NCKAP5: variants seen among roughly 807,000 people sequenced by gnomAD.
The protein encoded by NCKAP5 is nck-associated protein 5.
Under a neutral mutation model 167.0 loss-of-function variants are expected in NCKAP5, and 92 were observed. The observed-to-expected ratio is 0.55, with a 90% CI of 0.47 to 0.66. The LOEUF (loss-of-function observed/expected upper bound fraction) is 0.66. Among genes scored for constraint, NCKAP5 ranks in the 30% least tolerant of loss-of-function variants. The pLI is 0.00. For missense variants in NCKAP5, 2,378 were observed against 2,315.0 expected (o/e 1.03, Z -0.56); for synonymous variants, 891 against 877.4 (o/e 1.02, Z -0.27).
intron 15 of NCKAP5, among the ~76,000 whole-genome samples, chr2:132,776,275 G>A (rs1033749782): frequency 1.3e-5 from 2 of 152,184 alleles, no homozygotes; most frequent in African/African-American, 4.8e-5. Flanking sequence ...TCATGCATGT[G>A]TGTGTGTATA....
intron 3 of NCKAP5, among the ~76,000 whole-genome samples, chr2:133,327,365 C>A (rs754061852): frequency 6.6e-5 from 10 of 152,178 alleles, no homozygotes; most frequent in Non-Finnish European, 1.2e-4. Context: ...TCTCTCTATG[C>A]AGTTAGGTAA....
At chr2:133,561,896 T>C (rs1688184447) in intron 1 of NCKAP5, among the ~76,000 whole-genome samples, 1 of 152,106 alleles carries the variant, frequency 6.6e-6, no homozygotes. Context: ...AATGAGGCAA[T>C]AACTTTAGGA....
At chr2:133,225,348 C>A (rs569559621) in intron 4 of NCKAP5, among the ~76,000 whole-genome samples, 58 of 152,294 alleles carry the variant, frequency 3.8e-4, no homozygotes, top group Admixed American at 9.8e-4. Context: ...TTAGTTTTCA[C>A]GACTTTCAAT....
At position 132,784,021 on chromosome 2, in the gene NCKAP5, C is replaced by A; in HGVS notation, c.2790G>T (p.Pro930=). 3 of 1,563,766 alleles carry A rather than the reference C, an allele frequency of 1.9e-6. No homozygotes were observed. Among genetic ancestry groups the A allele is most frequent in the East Asian group, 2.3e-5 (1 of 44,252 alleles). ...GGGAGACGGACCTGCCTGGAGGGGG[C>A]GGAGGGGAAGGGGATTTCACCCCTG... The part of the protein sequence containing the change: ...PEAGVKSPSP[P]PPPGRSVSLL... Residue 930 remains proline (P), a synonymous_variant, in exon 14 of 20, where the codon CCG becomes CCT. Coordinates refer to ENST00000409261, the MANE Select transcript of NCKAP5 (RefSeq NM_207363.3).
chr2:133,497,505 A>C (rs1682049354), intron 3 of NCKAP5, among the ~76,000 whole-genome samples: 1 of 152,214 alleles, frequency 6.6e-6, no homozygotes, highest in South Asian at 2.1e-4. Context: ...CCTACCACAG[A>C]GCATCCCATT....
At chr2:133,425,815 G>T (rs1689757735) in intron 3 of NCKAP5, among the ~76,000 whole-genome samples, 1 of 152,186 alleles carries the variant, frequency 6.6e-6, no homozygotes, top group East Asian at 1.9e-4. Flanking sequence ...AAAATGCACA[G>T]TCTTCTTTTA....
intron 3 of NCKAP5, among the ~76,000 whole-genome samples, chr2:133,370,769 A>AT (rs1293210537): frequency 1.1e-4 from 17 of 149,430 alleles, no homozygotes; most frequent in Non-Finnish European, 2.2e-4. Context: ...GTTCTTCAGG[A>AT]TTTTTTTTCT....
At chr2:132,942,613 G>A (rs1413785310) in intron 8 of NCKAP5, among the ~76,000 whole-genome samples, 5 of 152,168 alleles carry the variant, frequency 3.3e-5, no homozygotes, top group African/African-American at 1.2e-4. Context: ...CAAAGATAAT[G>A]ATGTGCTTTA....
At chr2:133,569,824 A>G (rs917406271), upstream of NCKAP5, among the ~76,000 whole-genome samples, 1 of 152,256 alleles carries the variant, frequency 6.6e-6, no homozygotes, top group Non-Finnish European at 1.5e-5. Flanking sequence ...AGTTAAAGAC[A>G]ACACAAATTG....
intron 16 of NCKAP5, among the ~76,000 whole-genome samples, chr2:132,771,092 T>TAA (rs35518445): frequency 2.7e-4 from 41 of 151,842 alleles, no homozygotes; most frequent in Non-Finnish European, 4.9e-4. Flanking sequence ...TTCCATTTAA[T>TAA]AAAAAAAGTT....
intron 6 of NCKAP5, among the ~76,000 whole-genome samples, chr2:133,127,896 G>A (rs2082453992): frequency 6.6e-6 from 1 of 152,176 alleles, no homozygotes; most frequent in East Asian, 1.9e-4. Context: ...ATTTATTAAA[G>A]TATTGATTGG....
chr2:133,090,987 A>T (rs1461781632), intron 6 of NCKAP5, among the ~76,000 whole-genome samples: 4 of 152,000 alleles, frequency 2.6e-5, no homozygotes, highest in Non-Finnish European at 5.9e-5. Context: ...GGAGGTAGAT[A>T]TCCCCCTTGC....
intron 5 of NCKAP5, among the ~76,000 whole-genome samples, chr2:133,174,964 T>A (rs2084397293): frequency 6.6e-6 from 1 of 152,178 alleles, no homozygotes; most frequent in Admixed American, 6.5e-5. Flanking sequence ...ACAGAAGAAT[T>A]GCACCAATTT....
At chr2:132,707,396 T>C (rs1688462392) in intron 19 of NCKAP5, among the ~76,000 whole-genome samples, 1 of 152,210 alleles carries the variant, frequency 6.6e-6, no homozygotes, top group South Asian at 2.1e-4. Flanking sequence ...GCTAATGTGG[T>C]CTGGGGTTCT....
chr2:133,147,955 A>C (rs2083258521), intron 5 of NCKAP5, among the ~76,000 whole-genome samples: 1 of 152,148 alleles, frequency 6.6e-6, no homozygotes, highest in Non-Finnish European at 1.5e-5. Flanking sequence ...TAATGGATGC[A>C]GTTAGATCTT....
chr2:133,254,372 T>C (rs1332479738), intron 4 of NCKAP5, among the ~76,000 whole-genome samples: 1 of 151,874 alleles, frequency 6.6e-6, no homozygotes, highest in Non-Finnish European at 1.5e-5. Flanking sequence ...GATGCTTCAG[T>C]AGGAAGCATC....
At chr2:132,806,638 T>C (rs1685462578) in intron 11 of NCKAP5, among the ~76,000 whole-genome samples, 1 of 152,164 alleles carries the variant, frequency 6.6e-6, no homozygotes, top group Non-Finnish European at 1.5e-5. Context: ...TCTTACTGAT[T>C]TATTTGAGTT....
chr2:133,164,556 T>C (rs4954032), intron 5 of NCKAP5, among the ~76,000 whole-genome samples: 2,434 of 152,340 alleles, frequency 0.016, 131 homozygotes, highest in Admixed American at 0.1. Flanking sequence ...GTATAAACCA[T>C]AGCTTTTTAT....
chr2:132,719,624 G>T (rs1434235219), intron 19 of NCKAP5, among the ~76,000 whole-genome samples: 1 of 152,230 alleles, frequency 6.6e-6, no homozygotes, highest in Non-Finnish European at 1.5e-5. Context: ...GCAGCAAATT[G>T]ACAGGGTCTA....
Sources: gnomAD v4.1 joint callset for allele counts (sites outside exome capture counted in the v4.1 genomes callset) on GRCh38, gnomAD v4.1.1 for gene constraint, MANE v1.5 for transcripts, NCBI Gene and HGNC (gene_info 2026-07-23, HGNC 2026-07-21) for gene names.